Variants in DLGAP2 observed in about 807,000 individuals in gnomAD.
The protein encoded by DLGAP2 is DLG associated protein 2, also known as disks large-associated protein 2.
A neutral mutation model predicts 100.3 loss-of-function variants in DLGAP2; 26 were observed. That is an observed-to-expected ratio of 0.26 (90% CI 0.19 to 0.36). The LOEUF is 0.36. Among genes scored for constraint, DLGAP2 ranks in the 10% least tolerant of loss-of-function variants. DLGAP2 has a pLI of 1.00. For missense variants in DLGAP2, 1,858 were observed against 1,453.2 expected (o/e 1.28, Z -4.53); for synonymous variants, 886 against 630.1 (o/e 1.41, Z -6.08).
intron 3 of DLGAP2, among the ~76,000 whole-genome samples, chr8:1,387,448 A>G (rs1042726086): frequency 6.6e-6 from 1 of 152,196 alleles, no homozygotes; most frequent in Non-Finnish European, 1.5e-5. Context: ...ACATCACAGC[A>G]TTAAGATTGG....
chr8:1,608,610 C>G (rs1455370075), intron 6 of DLGAP2, among the ~76,000 whole-genome samples: 1 of 133,208 alleles, frequency 7.5e-6, no homozygotes, highest in Non-Finnish European at 1.6e-5. Flanking sequence ...GGAGGACATT[C>G]AAACCAAAGG....
intron 10 of DLGAP2, 48 bp from the exon 11 acceptor site, chr8:1,676,485 C>G: frequency 1.3e-6 from 2 of 1,568,736 alleles, no homozygotes; most frequent in Non-Finnish European, 1.7e-6. Context: ...GTCCCTTGCC[C>G]AGGCCCCATG....
chr8:938,763 C>A (rs935134324), intron 2 of DLGAP2, among the ~76,000 whole-genome samples: 1 of 152,158 alleles, frequency 6.6e-6, no homozygotes, highest in South Asian at 2.1e-4. Flanking sequence ...AATGTTTCAG[C>A]CCTGTGTGTC....
At chr8:898,212 T>C (rs531868012) in intron 1 of DLGAP2, among the ~76,000 whole-genome samples, 1 of 152,276 alleles carries the variant, frequency 6.6e-6, no homozygotes, top group South Asian at 2.1e-4. Context: ...GTGCTCCCCA[T>C]GGTGTTTGCT....
At chr8:1,282,131 T>G (rs1349125195) in intron 3 of DLGAP2, among the ~76,000 whole-genome samples, 2 of 141,868 alleles carry the variant, frequency 1.4e-5, no homozygotes, top group East Asian at 2.2e-4. Flanking sequence ...GGACATGGTG[T>G]GACCTGAACC....
At chr8:1,066,281 C>G (rs1803247163) in intron 2 of DLGAP2, among the ~76,000 whole-genome samples, 1 of 148,892 alleles carries the variant, frequency 6.7e-6, no homozygotes, top group South Asian at 2.1e-4. Flanking sequence ...CAGCTCCCCA[C>G]CACGGTCAGG....
At chr8:1,305,514 G>A (rs6995502) in intron 3 of DLGAP2, among the ~76,000 whole-genome samples, 35 of 152,156 alleles carry the variant, frequency 2.3e-4, no homozygotes, top group African/African-American at 8.4e-4. Flanking sequence ...GTTCTGTCTG[G>A]GTGTGGCCTG....
At chr8:1,256,372 GTC>G (rs1452311092) in intron 2 of DLGAP2, among the ~76,000 whole-genome samples, 2 of 137,176 alleles carry the variant, frequency 1.5e-5, no homozygotes. Flanking sequence ...CTGTGTGTGT[GTC>G]CTCTCATCCT....
chr8:964,099 T>G (rs905596475), intron 2 of DLGAP2, among the ~76,000 whole-genome samples: 5 of 152,226 alleles, frequency 3.3e-5, no homozygotes, highest in Admixed American at 6.5e-5. Flanking sequence ...AATTCAAGTC[T>G]TATGTAAAAT....
intron 4 of DLGAP2, among the ~76,000 whole-genome samples, chr8:1,528,370 G>T (rs1165712755): frequency 3.3e-5 from 5 of 152,238 alleles, no homozygotes; most frequent in African/African-American, 1.2e-4. Context: ...CCACCCCAGT[G>T]CCAGGGATGA....
intron 3 of DLGAP2, among the ~76,000 whole-genome samples, chr8:1,439,672 G>A (rs1049998043): frequency 4.6e-5 from 7 of 152,074 alleles, no homozygotes; most frequent in African/African-American, 1.4e-4. Context: ...AAACTGAAAC[G>A]GCAACGTGAG....
intron 2 of DLGAP2, among the ~76,000 whole-genome samples, chr8:1,051,358 C>T (rs1802705946): frequency 6.6e-6 from 1 of 152,114 alleles, no homozygotes; most frequent in African/African-American, 2.4e-5. Context: ...TCTCTCCATA[C>T]AAGATCGTTT....
At chr8:1,626,945 G>A (rs995777630) in intron 7 of DLGAP2, 58 bp downstream of exon 7, 118 of 1,535,056 alleles carry the variant, frequency 7.7e-5, no homozygotes, top group East Asian at 4.1e-4. Context: ...AGGCTGGCAC[G>A]GAGGCCCCGG....
At chr8:1,631,607 C>T (rs1410181844) in intron 7 of DLGAP2, among the ~76,000 whole-genome samples, 1 of 152,298 alleles carries the variant, frequency 6.6e-6, no homozygotes, top group East Asian at 1.9e-4. Context: ...AATCCTCAGA[C>T]CTTTCTGAAA....
chr8:918,583 C>G (rs1395092514), intron 2 of DLGAP2, among the ~76,000 whole-genome samples: 1 of 152,210 alleles, frequency 6.6e-6, no homozygotes, highest in Non-Finnish European at 1.5e-5. Context: ...TCACCGCAGT[C>G]TTCTGTGTTG....
intron 6 of DLGAP2, among the ~76,000 whole-genome samples, chr8:1,606,339 A>T (rs1796798376): frequency 6.6e-6 from 1 of 152,150 alleles, no homozygotes; most frequent in African/African-American, 2.4e-5. Context: ...GACTTGCGCG[A>T]ACATCAGTGC....
rs144644690 is a variant in DLGAP2, at chr8:979,194, C to T, written c.73+71228C>T. Reference sequence around the variant, plus strand: ...CAATCACACTGACTTCACAAAGGAACATAATGGCACCTAACATCTCTTCTG... The same window carrying T: ...CAATCACACTGACTTCACAAAGGAATATAATGGCACCTAACATCTCTTCTG... On this transcript the variant is annotated intron_variant, in intron 2 of 14. Transcript: ENST00000637795. 6.6e-5 allele frequency among the ~76,000 whole-genome samples: 10 copies of T among 152,308 alleles called. No individual in the cohort carries two copies. In the East Asian group the frequency reaches 1.9e-3, roughly 29 times the overall value.
intron 2 of DLGAP2, among the ~76,000 whole-genome samples, chr8:1,010,836 G>T (rs1278550821): frequency 6.6e-6 from 1 of 152,180 alleles, no homozygotes; most frequent in African/African-American, 2.4e-5. Flanking sequence ...GCATCACGGG[G>T]CTCCTCTCCT....
intron 13 of DLGAP2, 102 bp from the exon 14 acceptor site, chr8:1,697,045 C>G (rs950023371): frequency 4.4e-5 from 56 of 1,269,838 alleles, no homozygotes; most frequent in Non-Finnish European, 5.5e-5. Flanking sequence ...AGGCTTCTCC[C>G]TAATCCGCCT....
Sources: gnomAD v4.1 joint callset for allele counts (sites outside exome capture counted in the v4.1 genomes callset) on GRCh38, gnomAD v4.1.1 for gene constraint, MANE v1.5 for transcripts, NCBI Gene and HGNC (gene_info 2026-07-23, HGNC 2026-07-21) for gene names.